Variants in RAP1GDS1 observed in about 807,000 individuals in gnomAD.
The protein encoded by RAP1GDS1 is RAP1, GTP-GDP dissociation stimulator 1.
A neutral mutation model predicts 71.1 loss-of-function variants in RAP1GDS1; 35 were observed. The ratio of observed to expected loss-of-function variants is 0.49; its 90% CI spans 0.38 to 0.65. The LOEUF (loss-of-function observed/expected upper bound fraction) is 0.65, where lower values mean the gene tolerates loss of function less well. RAP1GDS1 is among the 30% of genes least tolerant of loss of function. The probability of loss-of-function intolerance (pLI) is 0.00; values close to 1 mark genes in which losing one functional copy is unlikely to be tolerated. For missense variants in RAP1GDS1, 663 were observed against 706.1 expected (o/e 0.94, Z 0.69); for synonymous variants, 229 against 243.1 (o/e 0.94, Z 0.54).
chr4:98,409,337 G>A (rs889868992), intron 7 of RAP1GDS1: 9 of 152,666 alleles, frequency 5.9e-5, no homozygotes, highest in African/African-American at 2.2e-4. Context: ...TATTCTGTAG[G>A]CCTTTTAGAA....
At chr4:98,430,213 G>A (rs1314609036) in intron 12 of RAP1GDS1, among the ~76,000 whole-genome samples, 1 of 152,132 alleles carries the variant, frequency 6.6e-6, no homozygotes, top group African/African-American at 2.4e-5. Flanking sequence ...GGTGTGTGTA[G>A]CAGAAAACAA....
At chr4:98,293,343 C>T in intron 1 of RAP1GDS1, 65 bp from the exon 2 acceptor site, 1 of 1,090,296 alleles carries the variant, frequency 9.2e-7, no homozygotes, top group Non-Finnish European at 1.3e-6. Flanking sequence ...ACTGTTTATC[C>T]TTTTGTCATG....
chr4:98,354,238 A>C (rs1376407481), intron 4 of RAP1GDS1, among the ~76,000 whole-genome samples: 1 of 149,802 alleles, frequency 6.7e-6, no homozygotes, highest in Non-Finnish European at 1.5e-5. Context: ...AATTTTTTGT[A>C]TTTTTAGTAG....
At chr4:98,410,759 T>C (rs1746943086) in intron 7 of RAP1GDS1, among the ~76,000 whole-genome samples, 1 of 151,756 alleles carries the variant, frequency 6.6e-6, no homozygotes, top group Non-Finnish European at 1.5e-5. Flanking sequence ...ACATATTGTA[T>C]GATTCAATTT....
intron 12 of RAP1GDS1, among the ~76,000 whole-genome samples, chr4:98,433,573 C>G (rs1750742979): frequency 6.6e-6 from 1 of 152,132 alleles, no homozygotes; most frequent in African/African-American, 2.4e-5. Flanking sequence ...AGCCACCGTG[C>G]CCAGCTGAGA....
chr4:98,286,017 A>G lies in RAP1GDS1; in HGVS notation c.5-7391A>G, dbSNP rs1337949074. ...ACGGTGGGCTCATGCCTATAATTCT[A>G]GCATGTTGCGAAGCTGAGGCAGGAG... On this transcript the variant is annotated intron_variant, in intron 1 of 14. Transcript: ENST00000408927. Among the ~76,000 whole-genome samples the G allele has an allele frequency of 4.0e-5, 6 of 151,222 alleles. No individual in the cohort carries two copies. The South Asian group carries it at 1.2e-3, about 31-fold the overall frequency.
chr4:98,270,655 A>C (rs187933455), intron 1 of RAP1GDS1, among the ~76,000 whole-genome samples: 1 of 152,168 alleles, frequency 6.6e-6, no homozygotes, highest in Non-Finnish European at 1.5e-5. Context: ...GCTCTTAGCT[A>C]TGATTGGCTG....
intron 4 of RAP1GDS1, among the ~76,000 whole-genome samples, chr4:98,358,691 C>G (rs1346256923): frequency 6.6e-6 from 1 of 151,962 alleles, no homozygotes; most frequent in South Asian, 2.1e-4. Flanking sequence ...TTGTGGTACA[C>G]AAATCTGTAC....
intron 14 of RAP1GDS1, among the ~76,000 whole-genome samples, chr4:98,438,698 T>G (rs1437839342): frequency 1.3e-5 from 2 of 150,724 alleles, no homozygotes; most frequent in African/African-American, 4.9e-5. Flanking sequence ...GTTCAAGTGA[T>G]TCTCATGCCT....
chr4:98,433,008 G>A (rs978574674), intron 12 of RAP1GDS1, among the ~76,000 whole-genome samples: 1 of 152,054 alleles, frequency 6.6e-6, no homozygotes, highest in Non-Finnish European at 1.5e-5. Context: ...GTGACATGGA[G>A]ATAGTACTGA....
chr4:98,365,544 G>T (rs1739362767), intron 4 of RAP1GDS1, among the ~76,000 whole-genome samples: 1 of 151,932 alleles, frequency 6.6e-6, no homozygotes, highest in Non-Finnish European at 1.5e-5. Flanking sequence ...GATCGCTTGA[G>T]CCTGGGAGAT....
At chr4:98,435,192 G>A (rs181163106) in intron 13 of RAP1GDS1, among the ~76,000 whole-genome samples, 6 of 150,874 alleles carry the variant, frequency 4.0e-5, no homozygotes, top group African/African-American at 1.5e-4. Flanking sequence ...TGACAACTTA[G>A]ATCCATAATT....
chr4:98,419,769 T>C (rs1280082520), intron 10 of RAP1GDS1, among the ~76,000 whole-genome samples: 2 of 152,208 alleles, frequency 1.3e-5, no homozygotes, highest in African/African-American at 2.4e-5. Flanking sequence ...TTGGATTGGA[T>C]CTAAAAAGCC....
In RAP1GDS1 at chr4:98,330,728, T is replaced by A. The variant is rs561378888; in HGVS notation, c.113-12411T>A. On this transcript the variant is annotated intron_variant, in intron 2 of 14. Coordinates refer to ENST00000408927, the MANE Select transcript of RAP1GDS1 (RefSeq NM_001100427.2). ...TGGCTGGGCAGAGGGGCTCCTCACA[T>A]CCCAGACGATGGGCGGCCAGGCAGA... Among the ~76,000 whole-genome samples the A allele has an allele frequency of 2.9e-3, 423 of 143,902 alleles. 1 individual carries two copies. Among genetic ancestry groups the A allele is most frequent in the African/African-American group, 0.011 (400 of 37,836 alleles). The allele number at this position is 143,902 out of a possible 152,430, so 94.4% of individuals were successfully genotyped here.
chr4:98,363,371 C>T (rs947694549), intron 4 of RAP1GDS1, among the ~76,000 whole-genome samples: 1 of 149,536 alleles, frequency 6.7e-6, no homozygotes, highest in Non-Finnish European at 1.5e-5. Context: ...GTAATCCCAG[C>T]TACTCTGGAG....
chr4:98,291,914 G>T (rs1036007590), intron 1 of RAP1GDS1, among the ~76,000 whole-genome samples: 1 of 152,080 alleles, frequency 6.6e-6, no homozygotes, highest in Non-Finnish European at 1.5e-5. Flanking sequence ...TTAAGGAACT[G>T]CCAGGTGTCC....
intron 5 of RAP1GDS1, among the ~76,000 whole-genome samples, chr4:98,389,847 G>T (rs1285842836): frequency 6.6e-6 from 1 of 152,126 alleles, no homozygotes; most frequent in Non-Finnish European, 1.5e-5. Flanking sequence ...GTATTCTTCT[G>T]TTATCTTCTC....
At chr4:98,372,644 T>G (rs567748951) in intron 4 of RAP1GDS1, among the ~76,000 whole-genome samples, 1 of 152,354 alleles carries the variant, frequency 6.6e-6, no homozygotes, top group South Asian at 2.1e-4. Flanking sequence ...GTTTTCTATT[T>G]CATTTTTACA....
intron 2 of RAP1GDS1, among the ~76,000 whole-genome samples, chr4:98,315,521 G>A (rs879667021): frequency 7.9e-5 from 12 of 152,056 alleles, no homozygotes; most frequent in Non-Finnish European, 1.5e-4. Context: ...AAAATGTGGG[G>A]GCCTGAGGAT....
Sources: gnomAD v4.1 joint callset for allele counts (sites outside exome capture counted in the v4.1 genomes callset) on GRCh38, gnomAD v4.1.1 for gene constraint, MANE v1.5 for transcripts, NCBI Gene and HGNC (gene_info 2026-07-23, HGNC 2026-07-21) for gene names.